The following NOS3 variants were observed in gnomAD, a reference collection of about 807,000 sequenced individuals.
The protein encoded by NOS3 is nitric oxide synthase 3, also known as NOS type III.
NOS3 carries 98 observed loss-of-function variants against 144.9 expected under a neutral mutation model. The ratio of observed to expected loss-of-function variants is 0.68; its 90% CI spans 0.57 to 0.80. The LOEUF (loss-of-function observed/expected upper bound fraction) is 0.80, where lower values mean the gene tolerates loss of function less well. Among genes scored for constraint, NOS3 ranks in the 30% least tolerant of loss-of-function variants. The probability of loss-of-function intolerance (pLI) is 0.00; values close to 1 mark genes in which losing one functional copy is unlikely to be tolerated. For synonymous variants in NOS3, 714 were observed against 702.4 expected (o/e 1.02, Z -0.26); for missense variants, 1,465 against 1,656.4 (o/e 0.88, Z 2.01).
In NOS3 at chr7:150,995,216, C is replaced by T. The variant is rs752309888; in HGVS notation, c.172C>T (p.Pro58Ser). 1.9e-6 allele frequency: 3 copies of T among 1,608,494 alleles called. No homozygotes were observed. The highest frequency in any genetic ancestry group is 2.5e-6 in the Non-Finnish European group (3 of 1,176,550). ...GGCTCCCAACAGCCCCCCGAGCTCC[C>T]CGCTAACCCAGCCCCCAGAGGGGCC... ...PAPEHSPPSS[P>S]LTQPPEGPKF... The change falls in exon 3 of 27, where the codon CCG (proline) becomes TCG (serine). Residue 58 changes from proline (P) to serine (S), a missense_variant. Physicochemically the swap from Pro to Ser is moderately conservative, Grantham distance 74. Around this residue, in one of 5 missense-constraint regions of NOS3, gnomAD observed 374 missense variants for 377.0 expected, o/e 0.99. Transcript: ENST00000297494.
In NOS3 at chr7:150,999,047, C is replaced by G; in HGVS notation, c.918C>G (p.Pro306=). The G allele has an allele frequency of 6.2e-7, 1 of 1,612,626 alleles. No homozygotes were observed. Among genetic ancestry groups the G allele is most frequent in the Non-Finnish European group, 8.5e-7 (1 of 1,179,898 alleles). Residue 306 remains proline, a synonymous_variant, in exon 8 of 27, where the codon CCC becomes CCG. Coordinates refer to ENST00000297494, the MANE Select transcript of NOS3 (RefSeq NM_000603.5). ...PDDPPELFLL[P]PELVLEVPLE... is the part of the protein sequence containing the mutation. ...ATCCCCCAGAACTCTTCCTTCTGCC[C>G]CCCGAGCTGGTCCTTGAGGTGCCCC...
chr7:151,007,154 G>T lies in NOS3; in HGVS notation c.1990G>T (p.Ala664Ser). 1.9e-6 allele frequency: 3 copies of T among 1,613,964 alleles called. No individual in the cohort carries two copies. The highest frequency in any genetic ancestry group is 2.5e-6 in the Non-Finnish European group (3 of 1,179,982). Residue 664 changes from alanine to serine, a missense_variant, in exon 17 of 27, where the codon GCT (alanine) becomes TCT (serine). Around this residue, in one of 5 missense-constraint regions of NOS3, gnomAD observed 745 missense variants for 853.9 expected, o/e 0.87. Coordinates refer to ENST00000297494, the MANE Select transcript of NOS3 (RefSeq NM_000603.5). Reference sequence around the variant, plus strand: ...GGCATACCCCCACTTCTGCGCCTTTGCTCGTGCCGTGGACACACGGCTGGA... The same window carrying T: ...GGCATACCCCCACTTCTGCGCCTTTTCTCGTGCCGTGGACACACGGCTGGA... ...SRAYPHFCAF[A>S]RAVDTRLEEL...
Position 151,003,826 on chromosome 7 carries a change from G to A in NOS3, c.1752+1522G>A, listed in dbSNP as rs969553583. 1.9e-5 allele frequency: 8 copies of A among 430,536 alleles called. 1 individual carries two copies. Among genetic ancestry groups the A allele is most frequent in the African/African-American group, 4.1e-5 (2 of 49,296 alleles). 26.7% of individuals were successfully genotyped at this position (430,536 alleles called of 1,614,324 possible). A position where few individuals can be genotyped will look rare whatever the true frequency, so the allele number is the denominator to read the frequency against. ...TTCACTCATTCTGCTGCTGAGTGCC[G>A]TTCATTGTGTGAATATCCCCAGTTT... On this transcript the variant is annotated intron_variant, in intron 14 of 26. Transcript: ENST00000297494. This position sits in a 1 kb window ranked among gnomAD's most constrained non-coding sequence, Gnocchi z 4.1.
rs144040397 is a variant in NOS3 at position 151,013,792 on chromosome 7, G to C, written c.3324G>C (p.Arg1108=). Residue 1108 remains arginine (R), a synonymous_variant, in exon 26 of 27, where the codon CGG becomes CGC. Transcript: ENST00000297494. ...AEVHRVLCLE[R]GHMFVCGDVT... ...TGCACCGCGTGCTGTGCCTCGAGCG[G>C]GGCCACATGTTTGTCTGCGGCGATG... The C allele has an allele frequency of 1.7e-3, 2,763 of 1,611,238 alleles. 20 individuals are homozygous for C. Among genetic ancestry groups the C allele is most frequent in the South Asian group, 4.8e-3 (433 of 90,632 alleles).
chr7:150,997,962 G>A (rs1331709816), intron 5 of NOS3, among the ~76,000 whole-genome samples: 1 of 152,188 alleles, frequency 6.6e-6, no homozygotes, highest in African/African-American at 2.4e-5. Context: ...CACCATCCAT[G>A]TGCTCAAAGA....
intron 3 of NOS3, 68 bp downstream of exon 3, chr7:150,995,382 G>A: frequency 9.9e-7 from 1 of 1,013,658 alleles, no homozygotes; most frequent in Non-Finnish European, 1.5e-6. Context: ...CCTCAGATGG[G>A]GCCGGAGAGG....
intron 10 of NOS3, among the ~76,000 whole-genome samples, chr7:151,000,927 CA>C (rs1171936880): frequency 6.6e-6 from 1 of 152,058 alleles, no homozygotes; most frequent in African/African-American, 2.4e-5. Context: ...GGATCAAGGG[CA>C]CACCAGGAGT....
chr7:151,009,493 C>A lies in NOS3; in HGVS notation c.2420C>A (p.Pro807His), dbSNP rs1276221803. The A allele has an allele frequency of 9.7e-6, 15 of 1,547,982 alleles. 1 individual carries two copies. The South Asian group carries it at 1.8e-4, about 18-fold the overall frequency. Residue 807 changes from proline to histidine, a missense_variant, in exon 20 of 27, where the codon CCC becomes CAC. Around this residue, in one of 5 missense-constraint regions of NOS3, gnomAD observed 745 missense variants for 853.9 expected, o/e 0.87. Coordinates refer to ENST00000297494, the MANE Select transcript of NOS3 (RefSeq NM_000603.5). ...ATAGGTGTCTGCCCGCCCAACCGGC[C>A]CGGCCTTGTGGAGGCGCTGCTGAGC... Reference protein sequence around the residue: ...DHIGVCPPNRPGLVEALLSRV... With the variant: ...DHIGVCPPNRHGLVEALLSRV...
chr7:151,008,142 C>G (rs773271666), intron 17 of NOS3, among the ~76,000 whole-genome samples: 1 of 152,076 alleles, frequency 6.6e-6, no homozygotes, highest in Non-Finnish European at 1.5e-5. Context: ...ACTTTAGAGG[C>G]GTAGGATCCA....
At position 150,993,266 on chromosome 7, in the gene NOS3, G is replaced by A. The variant is rs1360909468; in HGVS notation, c.-51-487G>A. On this transcript the variant is annotated intron_variant, in intron 1 of 26. Transcript: ENST00000297494. This position sits in a 1 kb window ranked among gnomAD's most constrained non-coding sequence, Gnocchi z 4.0. ...AGGACTCAAGGGTGGGGATCCAGGA[G>A]TTCTTGTATGTATGGGGGGAGGTGA... Among the ~76,000 whole-genome samples the A allele has an allele frequency of 6.6e-6, 1 of 152,186 alleles. No homozygotes were observed. The highest frequency in any genetic ancestry group is 1.5e-5 in the Non-Finnish European group (1 of 68,022).
intron 17 of NOS3, among the ~76,000 whole-genome samples, chr7:151,007,496 A>G (rs910639185): frequency 6.6e-6 from 1 of 152,220 alleles, no homozygotes; most frequent in Non-Finnish European, 1.5e-5. Flanking sequence ...GTGCAGCCGA[A>G]AGAGAGCAGG....
In NOS3 at chr7:151,008,969, G is replaced by A. The variant is rs1313545763; in HGVS notation, c.2152G>A (p.Ala718Thr). Residue 718 changes from alanine to threonine, a missense_variant, in exon 18 of 27, where the codon GCC becomes ACC. Transcript: ENST00000297494. The stretch of plus-strand genomic sequence containing the variant: ...CTTCTGTGTGGGAGAGGATGCCAAG[G>A]CCGCCGCCCGAGACATCTTCAGCCC... Reference protein sequence around the residue: ...ETFCVGEDAKAAARDIFSPKR... With the variant: ...ETFCVGEDAKTAARDIFSPKR... The A allele has an allele frequency of 6.2e-7, 1 of 1,610,870 alleles. No homozygotes were observed. The highest frequency in any genetic ancestry group is 8.5e-7 in the Non-Finnish European group (1 of 1,179,222).
At position 151,009,205 on chromosome 7, in the gene NOS3, C is replaced by T. The variant is rs775108521; in HGVS notation, c.2262C>T (p.His754=). ...CGCCCCCAGGTCTGATCCACGTGCA[C>T]AGGCGGAAGATGTTCCAGGCTACAA... ...LQLLPGLIHV[H]RRKMFQATIR... The change falls in exon 19 of 27, where the codon CAC becomes CAT. Residue 754 remains histidine (H), a synonymous_variant. Transcript: ENST00000297494. 1.9e-6 allele frequency: 3 copies of T among 1,613,742 alleles called. No homozygotes were observed. The highest frequency in any genetic ancestry group is 2.5e-6 in the Non-Finnish European group (3 of 1,179,860).
Position 151,013,718 on chromosome 7 carries a change from C to T in NOS3, c.3256-6C>T, listed in dbSNP as rs781539407. 21 of 1,592,812 alleles carry T rather than the reference C, an allele frequency of 1.3e-5. 1 individual carries two copies. The South Asian group carries it at 2.4e-4, about 18-fold the overall frequency. The stretch of plus-strand genomic sequence containing the variant: ...CAGGGCCCGCCCTAACCCCGCCGCC[C>T]CGCAGACCTACGTGCAGGACATCCT... On this transcript the variant is annotated splice_region_variant and splice_polypyrimidine_tract_variant and intron_variant, in intron 25 of 26. Coordinates refer to ENST00000297494, the MANE Select transcript of NOS3 (RefSeq NM_000603.5).
At chr7:151,001,197 G>A (rs763048016) in intron 10 of NOS3, 34 bp from the exon 11 acceptor site, 1 of 1,606,368 alleles carries the variant, frequency 6.2e-7, no homozygotes, top group East Asian at 2.2e-5. Context: ...CTGTGGGTCT[G>A]GTTTGAGCCT....
Position 151,014,417 on chromosome 7 carries a change from C to G in NOS3, c.*248C>G, listed in dbSNP as rs117078328. On this transcript the variant is annotated 3_prime_UTR_variant, in exon 27 of 27. Coordinates refer to ENST00000297494, the MANE Select transcript of NOS3 (RefSeq NM_000603.5). ...CCTCCCAGCAGCGGTACCCCAGGGC[C>G]TACTGCCACCCGCTTCCTGTTTCTT... is the stretch of plus-strand genomic sequence containing the variant. The G allele has an allele frequency of 2.1e-3, 1,029 of 479,830 alleles. 1 individual carries two copies. The highest frequency in any genetic ancestry group is 4.0e-3 in the Admixed American group (108 of 26,750). The allele number at this position is 479,830 out of a possible 1,614,324, so 29.7% of individuals were successfully genotyped here. A position where few individuals can be genotyped will look rare whatever the true frequency, so the allele number is the denominator to read the frequency against.
At position 151,008,776 on chromosome 7, in the gene NOS3, T is replaced by C. The variant is rs181697105; in HGVS notation, c.2113-154T>C. On this transcript the variant is annotated intron_variant, in intron 17 of 26. Coordinates refer to ENST00000297494, the MANE Select transcript of NOS3 (RefSeq NM_000603.5). ...TGGGCCCAGCGGCCAATCCATGAAATGGGCTGGCGGAAAAGGTGCTGTCCT... is the reference window on the plus strand; with the variant it reads ...TGGGCCCAGCGGCCAATCCATGAAACGGGCTGGCGGAAAAGGTGCTGTCCT... 9 of 825,324 alleles carry C rather than the reference T, an allele frequency of 1.1e-5. No individual in the cohort carries two copies. The East Asian group carries it at 1.7e-4, about 16-fold the overall frequency. 51.1% of individuals were successfully genotyped at this position (825,324 alleles called of 1,614,324 possible). A position where few individuals can be genotyped will look rare whatever the true frequency, so the allele number is the denominator to read the frequency against.
Position 150,998,306 on chromosome 7 carries a change from A to AC in NOS3, c.583-45dup, listed in dbSNP as rs766137385. 4.2e-5 allele frequency: 65 copies of AC among 1,530,156 alleles called. No homozygotes were observed. The highest frequency in any genetic ancestry group is 5.4e-5 in the Non-Finnish European group (61 of 1,119,524). The allele number at this position is 1,530,156 out of a possible 1,614,324, so 94.8% of individuals were successfully genotyped here. A position where few individuals can be genotyped will look rare whatever the true frequency, so the allele number is the denominator to read the frequency against. ...AGCTCCTCTGGAGCTGATACTCAAG[A>AC]CCCCCCGTCTCTCTCCTCACCCTCC... is the stretch of plus-strand genomic sequence containing the variant. On this transcript the variant is annotated intron_variant, in intron 5 of 26. Coordinates refer to ENST00000297494, the MANE Select transcript of NOS3 (RefSeq NM_000603.5). This position sits in a 1 kb window ranked among gnomAD's most constrained non-coding sequence, Gnocchi z 5.0.
At position 151,014,188 on chromosome 7, in the gene NOS3, T is replaced by TGAGAACTC; in HGVS notation, c.*19_*20insGAGAACTC. ...CCCCTGAGAGCCGCCTGGCTTTCCC[T>TGAGAACTC]TCCAGTTCCGGGAGAGCGGCTGCCC... On this transcript the variant is annotated 3_prime_UTR_variant, in exon 27 of 27. Coordinates refer to ENST00000297494, the MANE Select transcript of NOS3 (RefSeq NM_000603.5). The TGAGAACTC allele has an allele frequency of 6.3e-7, 1 of 1,587,368 alleles. No homozygotes were observed. The highest frequency in any genetic ancestry group is 8.6e-7 in the Non-Finnish European group (1 of 1,163,926).
Sources: allele counts gnomAD v4.1 joint callset (sites outside exome capture counted in the v4.1 genomes callset), GRCh38; gene constraint gnomAD v4.1.1; regional missense constraint gnomAD v4.1.1; non-coding constraint Gnocchi (gnomAD v3.1); transcripts MANE v1.5; gene names NCBI Gene and HGNC (gene_info 2026-07-23, HGNC 2026-07-21).